Variants in BBS9 observed in about 807,000 individuals in gnomAD.
BBS9 encodes the protein protein PTHB1.
A neutral mutation model predicts 117.7 loss-of-function variants in BBS9; 89 were observed. That is an observed-to-expected ratio of 0.76 (90% CI 0.64 to 0.90). The LOEUF (loss-of-function observed/expected upper bound fraction) is 0.90, where lower values mean the gene tolerates loss of function less well. Ranked by LOEUF, BBS9 falls within the 40% of genes least tolerant of loss-of-function variation. The pLI is 0.00. For synonymous variants in BBS9, 379 were observed against 370.9 expected (o/e 1.02, Z -0.25); for missense variants, 982 against 1,042.2 (o/e 0.94, Z 0.80).
At chr7:33,514,445 A>C (rs529901520) in intron 20 of BBS9, among the ~76,000 whole-genome samples, 1 of 152,302 alleles carries the variant, frequency 6.6e-6, no homozygotes, top group South Asian at 2.1e-4. Flanking sequence ...TAGTCTGTAC[A>C]GAGTGAGGAA....
chr7:33,346,250 A>C (rs1431683888), intron 12 of BBS9: 1 of 470,358 alleles, frequency 2.1e-6, no homozygotes, highest in Non-Finnish European at 4.4e-6. Flanking sequence ...CAACCATGCA[A>C]GTTTCCATCA....
At chr7:33,393,616 C>T (rs1437665551) in intron 19 of BBS9, among the ~76,000 whole-genome samples, 1 of 152,114 alleles carries the variant, frequency 6.6e-6, no homozygotes, top group African/African-American at 2.4e-5. Context: ...TTACCCCTAC[C>T]CCCAAATCAC....
chr7:33,336,252 G>A (rs551352662), intron 9 of BBS9, among the ~76,000 whole-genome samples, 189 bp from the exon 10 acceptor site: 2 of 152,208 alleles, frequency 1.3e-5, no homozygotes, highest in East Asian at 3.9e-4. Flanking sequence ...CTTAACATTG[G>A]GAATACTTCT....
chr7:33,241,115 TC>T (rs35604763), intron 5 of BBS9, among the ~76,000 whole-genome samples: 24,889 of 152,026 alleles, frequency 0.16, 2,346 homozygotes, highest in Non-Finnish European at 0.21. Flanking sequence ...CAAGTCAAGA[TC>T]TCGAAGTTGA....
At chr7:33,311,171 G>T (rs1003383100) in intron 9 of BBS9, among the ~76,000 whole-genome samples, 1 of 152,290 alleles carries the variant, frequency 6.6e-6, no homozygotes. Context: ...TGCCAAAGGG[G>T]CATGGAAGAT....
At chr7:33,302,827 T>C (rs1226854095) in intron 9 of BBS9, among the ~76,000 whole-genome samples, 1 of 152,200 alleles carries the variant, frequency 6.6e-6, no homozygotes, top group African/African-American at 2.4e-5. Context: ...ATGTCATTGG[T>C]ATTTTGGTAG....
chr7:33,355,147 G>A (rs80068914), intron 15 of BBS9, among the ~76,000 whole-genome samples: 6,729 of 152,044 alleles, frequency 0.044, 198 homozygotes, highest in Non-Finnish European at 0.062. Context: ...TAGCAACTGT[G>A]AAAAGTCTTT....
chr7:33,321,564 G>C (rs982850346), intron 9 of BBS9, among the ~76,000 whole-genome samples: 1 of 151,736 alleles, frequency 6.6e-6, no homozygotes, highest in Non-Finnish European at 1.5e-5. Context: ...ACTGATTTTT[G>C]TATGTTGATT....
At chr7:33,298,347 TTAA>T (rs1310102526) in intron 9 of BBS9, among the ~76,000 whole-genome samples, 1 of 152,124 alleles carries the variant, frequency 6.6e-6, no homozygotes, top group African/African-American at 2.4e-5. Flanking sequence ...TAAAATGGGT[TTAA>T]TAATAATATC....
intron 19 of BBS9, among the ~76,000 whole-genome samples, chr7:33,439,521 C>G (rs945492804): frequency 1.5e-5 from 2 of 130,770 alleles, no homozygotes; most frequent in African/African-American, 5.8e-5. Flanking sequence ...CACTTTTTCT[C>G]TTTTTTATCA....
intron 19 of BBS9, among the ~76,000 whole-genome samples, chr7:33,400,052 G>A (rs771222262): frequency 6.6e-6 from 1 of 151,912 alleles, no homozygotes; most frequent in Admixed American, 6.6e-5. Context: ...TGAGTTTTCT[G>A]CTTGCTAGTG....
At chr7:33,405,446 A>G (rs181524494) in intron 19 of BBS9, among the ~76,000 whole-genome samples, 5,057 of 152,210 alleles carry the variant, frequency 0.033, 108 homozygotes, top group South Asian at 0.059. Flanking sequence ...TACCTCTGGT[A>G]GAATTCGGCT....
intron 20 of BBS9, among the ~76,000 whole-genome samples, chr7:33,524,403 A>G (rs1306302185): frequency 6.6e-6 from 1 of 152,256 alleles, no homozygotes; most frequent in Non-Finnish European, 1.5e-5. Context: ...TTGGTAAACT[A>G]TTGATTATTG....
intron 9 of BBS9, among the ~76,000 whole-genome samples, chr7:33,330,664 A>G (rs1439843274): frequency 6.6e-6 from 1 of 152,184 alleles, no homozygotes; most frequent in Non-Finnish European, 1.5e-5. Context: ...ACTGAGTGAT[A>G]GAATCATTAT....
intron 5 of BBS9, among the ~76,000 whole-genome samples, chr7:33,254,461 C>T (rs141374798): frequency 1.3e-5 from 2 of 152,186 alleles, no homozygotes; most frequent in East Asian, 3.9e-4. Context: ...GTAATGATTA[C>T]CAGAATCAAG....
chr7:33,619,328 G>T (rs1453036242), intron 21 of BBS9, among the ~76,000 whole-genome samples: 1 of 152,082 alleles, frequency 6.6e-6, no homozygotes, highest in Non-Finnish European at 1.5e-5. Context: ...ATATGTATTT[G>T]CCCAATGTTG....
intron 21 of BBS9, among the ~76,000 whole-genome samples, chr7:33,578,983 C>T (rs1859421856): frequency 6.6e-6 from 1 of 152,162 alleles, no homozygotes; most frequent in African/African-American, 2.4e-5. Flanking sequence ...TTCAAAGAAG[C>T]GCATTCAGCG....
intron 1 of BBS9, among the ~76,000 whole-genome samples, chr7:33,144,600 C>T (rs937792579): frequency 3.3e-5 from 5 of 152,100 alleles, no homozygotes; most frequent in Non-Finnish European, 5.9e-5. Context: ...CCCACATTTT[C>T]GTAGGTTGTT....
chr7:33,526,509 T>C (rs1222516242), intron 20 of BBS9, among the ~76,000 whole-genome samples: 7 of 151,442 alleles, frequency 4.6e-5, no homozygotes, highest in African/African-American at 1.5e-4. Flanking sequence ...CATCTTCCAT[T>C]GCTGATACCC....
Sources: gnomAD v4.1 joint callset for allele counts (sites outside exome capture counted in the v4.1 genomes callset) on GRCh38, gnomAD v4.1.1 for gene constraint, MANE v1.5 for transcripts, NCBI Gene and HGNC (gene_info 2026-07-23, HGNC 2026-07-21) for gene names.